MCMBP: variants seen among roughly 807,000 people sequenced by gnomAD.
The protein encoded by MCMBP is mini-chromosome maintenance complex-binding protein.
In MCMBP, 31 loss-of-function variants were observed where a neutral mutation model predicts 81.3. That is an observed-to-expected ratio of 0.38 (90% CI 0.29 to 0.51). MCMBP has a LOEUF of 0.51. MCMBP is among the 20% of genes least tolerant of loss of function. The probability of loss-of-function intolerance (pLI) is 0.87; values close to 1 mark genes in which losing one functional copy is unlikely to be tolerated. For synonymous variants in MCMBP, 267 were observed against 275.9 expected (o/e 0.97, Z 0.32); for missense variants, 645 against 772.1 (o/e 0.84, Z 1.95).
chr10:119,841,333 G>C (rs1214809398), intron 10 of MCMBP, among the ~76,000 whole-genome samples: 1 of 152,228 alleles, frequency 6.6e-6, no homozygotes, highest in Non-Finnish European at 1.5e-5. Context: ...TTTGGTTCCA[G>C]AGCCTGTGCT....
chr10:119,849,680 A>G, intron 6 of MCMBP, 104 bp from the exon 7 acceptor site: 6 of 1,056,144 alleles, frequency 5.7e-6, no homozygotes, highest in South Asian at 3.9e-5. Flanking sequence ...GATGCTTCTG[A>G]GCTTGCAAAG....
chr10:119,838,509 T>A, intron 12 of MCMBP, 26 bp downstream of exon 12: 1 of 1,591,690 alleles, frequency 6.3e-7, no homozygotes, highest in Non-Finnish European at 8.6e-7. Flanking sequence ...AAGTCAGAAA[T>A]GGAAGAGAAA....
chr10:119,869,376 AG>A (rs1489609400), intron 1 of MCMBP, among the ~76,000 whole-genome samples: 2 of 152,228 alleles, frequency 1.3e-5, no homozygotes, highest in Non-Finnish European at 2.9e-5. Context: ...GTTCAAGACC[AG>A]CCTGGCCAAC....
chr10:119,863,652 C>T (rs770957130), intron 1 of MCMBP, among the ~76,000 whole-genome samples: 1 of 127,408 alleles, frequency 7.8e-6, no homozygotes, highest in Non-Finnish European at 1.6e-5. Context: ...TTGCTTGAAC[C>T]CAGGAGGCGG....
intron 1 of MCMBP, among the ~76,000 whole-genome samples, chr10:119,868,114 C>A (rs1363158051): frequency 6.6e-6 from 1 of 152,106 alleles, no homozygotes; most frequent in Non-Finnish European, 1.5e-5. Flanking sequence ...CTTGGTCTAA[C>A]CAATAGTTGA....
Position 119,835,951 on chromosome 10 carries a change from C to G in MCMBP, c.1543-247G>C, listed in dbSNP as rs376422535. Among the ~76,000 whole-genome samples, 12 of 152,096 alleles carry G rather than the reference C, an allele frequency of 7.9e-5. No individual in the cohort carries two copies. In the East Asian group the frequency reaches 1.2e-3, roughly 15 times the overall value. ...TCCCAGGCTCAAGTGATCCTCCCAC[C>G]TCAGCCTCCTCAGTAGTGGGACCAC... On this transcript the variant is annotated intron_variant, in intron 13 of 15. Transcript: ENST00000369077.
chr10:119,837,899 C>T (rs1192001655), intron 12 of MCMBP, among the ~76,000 whole-genome samples: 1 of 152,100 alleles, frequency 6.6e-6, no homozygotes, highest in Non-Finnish European at 1.5e-5. Context: ...GGGGCAGGTG[C>T]AGTGGCTCAC....
intron 1 of MCMBP, among the ~76,000 whole-genome samples, chr10:119,863,122 A>T (rs1399046718): frequency 6.6e-6 from 1 of 151,450 alleles, no homozygotes; most frequent in Non-Finnish European, 1.5e-5. Context: ...TCCTAATAGA[A>T]TTTTTTTTTA....
chr10:119,866,838 C>G (rs1399759253), intron 1 of MCMBP, among the ~76,000 whole-genome samples: 2 of 151,714 alleles, frequency 1.3e-5, no homozygotes, highest in African/African-American at 4.8e-5. Context: ...TGGCAGGCGC[C>G]TGTAGTCCCA....
At position 119,870,163 on chromosome 10, in the gene MCMBP, A is replaced by T. The variant is rs138576687; in HGVS notation, c.58+2364T>A. Among the ~76,000 whole-genome samples, 154 of 152,344 alleles carry T rather than the reference A, an allele frequency of 1.0e-3. 1 individual carries two copies. In the East Asian group the frequency reaches 0.024, roughly 24 times the overall value. ...AGGACAGTAAGAAAGGGAAAAATTC[A>T]GGCTGCTGGATGCAGTGGCTCACGC... On this transcript the variant is annotated intron_variant, in intron 1 of 15. Coordinates refer to ENST00000369077, the MANE Select transcript of MCMBP (RefSeq NM_001256378.2).
chr10:119,835,467 A>T (rs1232926657), intron 14 of MCMBP, 73 bp downstream of exon 14: 1 of 1,293,188 alleles, frequency 7.7e-7, no homozygotes, highest in African/African-American at 1.5e-5. Flanking sequence ...CTTATCAGTA[A>T]TTATGGTAAA....
chr10:119,833,782 A>AT (rs1265556223), intron 14 of MCMBP, among the ~76,000 whole-genome samples: 1 of 152,192 alleles, frequency 6.6e-6, no homozygotes, highest in African/African-American at 2.4e-5. Flanking sequence ...AAACTCAAAC[A>AT]TTAGACAAAA....
At chr10:119,849,291 C>T in intron 7 of MCMBP, 134 bp downstream of exon 7, 3 of 903,078 alleles carry the variant, frequency 3.3e-6, no homozygotes, top group Non-Finnish European at 4.9e-6. Context: ...ACTTTTGCTG[C>T]TTTAGGCTAT....
intron 5 of MCMBP, 122 bp from the exon 6 acceptor site, chr10:119,853,316 T>C (rs1349577957): frequency 2.0e-6 from 2 of 1,000,906 alleles, no homozygotes; most frequent in Non-Finnish European, 2.9e-6. Flanking sequence ...TGCATTTTCA[T>C]AAAAGGAGGC....
Position 119,838,664 on chromosome 10 carries a change from G to A in MCMBP, c.1279C>T (p.His427Tyr), listed in dbSNP as rs1236909998. 1.2e-6 allele frequency: 2 copies of A among 1,613,934 alleles called. No individual in the cohort carries two copies. Among genetic ancestry groups the A allele is most frequent in the Non-Finnish European group, 1.7e-6 (2 of 1,179,926 alleles). ...RLQMTIENMN[H>Y]LKFIPHKDYT... ...TCTTTGTGGGGAATGAATTTCAAAT[G>A]GTTCATGTTCTCTATAGTCATCTGC... Residue 427 changes from histidine (H) to tyrosine (Y), a missense_variant, in exon 12 of 16, where the codon CAT (histidine) becomes TAT (tyrosine). His to Tyr is a moderately conservative substitution (Grantham distance 83, BLOSUM62 2). Coordinates refer to ENST00000369077, the MANE Select transcript of MCMBP (RefSeq NM_001256378.2).
At chr10:119,842,032 T>G (rs1852452208) in intron 10 of MCMBP, among the ~76,000 whole-genome samples, 2 of 152,164 alleles carry the variant, frequency 1.3e-5, no homozygotes, top group Admixed American at 1.3e-4. Flanking sequence ...GAGTTCCGCC[T>G]CCTGTCAGAT....
intron 14 of MCMBP, among the ~76,000 whole-genome samples, chr10:119,835,229 ATTT>A (rs575753215): frequency 6.6e-6 from 1 of 152,078 alleles, no homozygotes; most frequent in African/African-American, 2.4e-5. Context: ...AGCCACACAA[ATTT>A]TTTTTAAATT....
chr10:119,832,833 G>T (rs868564014), intron 14 of MCMBP, among the ~76,000 whole-genome samples: 2 of 152,310 alleles, frequency 1.3e-5, no homozygotes, highest in South Asian at 2.1e-4. Flanking sequence ...GAGACACTGG[G>T]TAACAGCTGC....
At chr10:119,844,332 A>C (rs576297068) in intron 8 of MCMBP, among the ~76,000 whole-genome samples, 6 of 152,338 alleles carry the variant, frequency 3.9e-5, no homozygotes, top group African/African-American at 1.2e-4. Context: ...GACTTTATAG[A>C]ATCTATAGAC....
Sources: allele counts gnomAD v4.1 joint callset (sites outside exome capture counted in the v4.1 genomes callset), GRCh38; gene constraint gnomAD v4.1.1; transcripts MANE v1.5; gene names NCBI Gene and HGNC (gene_info 2026-07-23, HGNC 2026-07-21).